IL34: variants seen among roughly 807,000 people sequenced by gnomAD.
IL34 encodes interleukin-34.
IL34 carries 17 observed loss-of-function variants against 25.3 expected under a neutral mutation model. The ratio of observed to expected loss-of-function variants is 0.67; its 90% CI spans 0.46 to 1.01. IL34 has a LOEUF of 1.01. IL34 is among the 50% of genes least tolerant of loss of function. The pLI is 0.00. For missense variants in IL34, 368 were observed against 312.9 expected (o/e 1.18, Z -1.33); for synonymous variants, 174 against 140.9 (o/e 1.23, Z -1.66).
intron 1 of IL34, among the ~76,000 whole-genome samples, chr16:70,637,960 T>C (rs938598847): frequency 1.3e-5 from 2 of 152,190 alleles, no homozygotes; most frequent in Non-Finnish European, 1.5e-5. Flanking sequence ...TTTTTTGTTT[T>C]GTTTTGTTTT....
At chr16:70,627,624 A>G (rs2051425308) in intron 1 of IL34, among the ~76,000 whole-genome samples, 1 of 152,054 alleles carries the variant, frequency 6.6e-6, no homozygotes, top group African/African-American at 2.4e-5. Context: ...ACAAGCCACC[A>G]TACCTGGCTA....
intron 1 of IL34, among the ~76,000 whole-genome samples, chr16:70,585,622 T>G (rs2050684324): frequency 6.6e-6 from 1 of 151,642 alleles, no homozygotes; most frequent in Admixed American, 6.6e-5. Context: ...GAGGCAGATG[T>G]TGCAGTGAGC....
chr16:70,660,178 C>T lies in IL34; in HGVS notation c.720C>T (p.Leu240=). The change falls in exon 6 of 6, where the codon CTC becomes CTT. Residue 240 remains leucine (L), a synonymous_variant. Transcript: ENST00000288098. ...VRPVRAQGEG[L]LP ...CGGTCAGGGCACAGGGCGAGGGCCT[C>T]TTGCCCTGAGCACCCTGGATGGTGA... is the stretch of plus-strand genomic sequence containing the variant. 1.3e-6 allele frequency: 2 copies of T among 1,584,086 alleles called. No homozygotes were observed. Among genetic ancestry groups the T allele is most frequent in the Non-Finnish European group, 1.7e-6 (2 of 1,166,778 alleles).
intron 1 of IL34, among the ~76,000 whole-genome samples, chr16:70,617,963 C>A (rs1192967316): frequency 3.9e-5 from 6 of 152,112 alleles, no homozygotes; most frequent in Admixed American, 6.6e-5. Flanking sequence ...TTTTAGTTAT[C>A]TGACTCAGGG....
chr16:70,599,363 CTTTCTT>C (rs1365997377), intron 1 of IL34, among the ~76,000 whole-genome samples: 4 of 123,180 alleles, frequency 3.2e-5, no homozygotes, highest in African/African-American at 1.3e-4. Flanking sequence ...CTCTCTTTCT[CTTTCTT>C]TCTTTCTTCT....
intron 1 of IL34, among the ~76,000 whole-genome samples, chr16:70,590,373 T>C (rs150388433): frequency 0.01 from 1,524 of 152,290 alleles, 13 homozygotes; most frequent in South Asian, 0.021. Context: ...GCTTTGTGGA[T>C]TGGGGAGCTC....
intron 1 of IL34, among the ~76,000 whole-genome samples, chr16:70,607,780 T>G (rs2051029683): frequency 1.3e-5 from 2 of 152,128 alleles, no homozygotes; most frequent in South Asian, 4.1e-4. Flanking sequence ...TTTTTAATTT[T>G]TTGAGACAGA....
chr16:70,607,205 T>C (rs910329593), intron 1 of IL34, among the ~76,000 whole-genome samples: 2 of 151,988 alleles, frequency 1.3e-5, no homozygotes, highest in African/African-American at 4.8e-5. Flanking sequence ...GGGTTCACGC[T>C]ATTCTCCTGC....
At chr16:70,653,313 G>C (rs2052126856) in intron 1 of IL34, among the ~76,000 whole-genome samples, 1 of 139,472 alleles carries the variant, frequency 7.2e-6, no homozygotes, top group Non-Finnish European at 1.5e-5. Context: ...AGGAGTTTCA[G>C]ACAAGCCTGG....
intron 1 of IL34, among the ~76,000 whole-genome samples, chr16:70,606,590 T>A (rs946151290): frequency 8.6e-5 from 13 of 152,024 alleles, no homozygotes; most frequent in Admixed American, 3.3e-4. Flanking sequence ...GTTTGGATTT[T>A]CTAGATTTTT....
At chr16:70,623,216 A>G (rs1210901598) in intron 1 of IL34, among the ~76,000 whole-genome samples, 1 of 152,114 alleles carries the variant, frequency 6.6e-6, no homozygotes, top group African/African-American at 2.4e-5. Flanking sequence ...GGGTCAGTCC[A>G]AGTGAAAGCG....
chr16:70,629,793 G>A (rs2051478021), intron 1 of IL34, among the ~76,000 whole-genome samples: 1 of 151,742 alleles, frequency 6.6e-6, no homozygotes, highest in Non-Finnish European at 1.5e-5. Context: ...GGAATTCAAT[G>A]CTTAATAATC....
chr16:70,659,694 G>A lies in IL34; in HGVS notation c.479G>A (p.Arg160Gln), dbSNP rs368367274. The change falls in exon 5 of 6, where the codon CGG (arginine) becomes CAG (glutamine). Residue 160 changes from arginine to glutamine, a missense_variant. Physicochemically the swap from Arg to Gln is conservative, Grantham distance 43. Coordinates refer to ENST00000288098, the MANE Select transcript of IL34 (RefSeq NM_001393494.1). ...NAPGPNLKLV[R>Q]PKALLDNCFR... ...CCAGGGCCAAACCTGAAGCTGGTGC[G>A]GCCCAAAGCCCTGCTGGACAACTGC... is the stretch of plus-strand genomic sequence containing the variant. 9 of 1,612,258 alleles carry A rather than the reference G, an allele frequency of 5.6e-6. No individual in the cohort carries two copies. The highest frequency in any genetic ancestry group is 1.1e-5 in the South Asian group (1 of 90,866).
chr16:70,617,012 A>G (rs2051183532), intron 1 of IL34, among the ~76,000 whole-genome samples: 1 of 151,966 alleles, frequency 6.6e-6, no homozygotes, highest in Admixed American at 6.6e-5. Flanking sequence ...AGAGTGGGCG[A>G]TGTTTCTCAG....
chr16:70,651,661 GTC>G (rs2052081992), intron 1 of IL34, among the ~76,000 whole-genome samples: 1 of 151,832 alleles, frequency 6.6e-6, no homozygotes, highest in South Asian at 2.1e-4. Flanking sequence ...CAAGGACAAA[GTC>G]TTCCAAGATG....
intron 1 of IL34, among the ~76,000 whole-genome samples, chr16:70,631,522 G>C (rs2051517631): frequency 6.6e-6 from 1 of 152,036 alleles, no homozygotes; most frequent in Non-Finnish European, 1.5e-5. Context: ...TCTTTATCCT[G>C]TTATACTCAG....
chr16:70,625,227 A>G (rs916622089), intron 1 of IL34, among the ~76,000 whole-genome samples: 2 of 151,292 alleles, frequency 1.3e-5, no homozygotes, highest in Non-Finnish European at 1.5e-5. Context: ...GGAGGAATGG[A>G]TGGTGGAAGG....
At position 70,646,596 on chromosome 16, in the gene IL34, G is replaced by A. The variant is rs2051936129; in HGVS notation, c.-352G>A. ...TGCAGTCGGAGAAATCAGAGAAAGCGTCACCCAGCCCCAGATTCCGAGGGG... is the reference window on the plus strand; with the variant it reads ...TGCAGTCGGAGAAATCAGAGAAAGCATCACCCAGCCCCAGATTCCGAGGGG... On this transcript the variant is annotated 5_prime_UTR_variant, in exon 1 of 6. Transcript: ENST00000288098. 6.1e-6 allele frequency: 2 copies of A among 328,970 alleles called. No individual in the cohort carries two copies. The highest frequency in any genetic ancestry group is 1.1e-5 in the Non-Finnish European group (2 of 182,002). The allele number at this position is 328,970 out of a possible 1,614,324, so 20.4% of individuals were successfully genotyped here.
chr16:70,657,668 A>G (rs2052268459), intron 4 of IL34, among the ~76,000 whole-genome samples: 1 of 152,106 alleles, frequency 6.6e-6, no homozygotes, highest in Non-Finnish European at 1.5e-5. Context: ...CCAGCTACTC[A>G]GGAGGCTGAG....
Sources: gnomAD v4.1 joint callset for allele counts (sites outside exome capture counted in the v4.1 genomes callset) on GRCh38, gnomAD v4.1.1 for gene constraint, MANE v1.5 for transcripts, NCBI Gene and HGNC (gene_info 2026-07-23, HGNC 2026-07-21) for gene names.